SHANK2: variants seen among roughly 807,000 people sequenced by gnomAD.
The protein encoded by SHANK2 is SH3 and multiple ankyrin repeat domains protein 2.
SHANK2 carries 43 observed loss-of-function variants against 133.7 expected under a neutral mutation model. That is an observed-to-expected ratio of 0.32 (90% confidence interval 0.25 to 0.41). SHANK2 has a LOEUF of 0.41. SHANK2 is among the 10% of genes least tolerant of loss of function. SHANK2 has a pLI of 1.00. For synonymous variants in SHANK2, 1,017 were observed against 952.8 expected, an observed-to-expected ratio of 1.07 and a Z score of -1.24; for missense variants, 1,994 against 2,235.8, an observed-to-expected ratio of 0.89 and a Z score of 2.18.
At chr11:70,738,539 C>T (rs375414598) in intron 14 of SHANK2, among the ~76,000 whole-genome samples, 4 of 152,176 alleles carry the variant, frequency 2.6e-5, no homozygotes, top group Non-Finnish European at 5.9e-5. Flanking sequence ...GGGAAGTCCC[C>T]GGAATCTACA....
intron 11 of SHANK2, among the ~76,000 whole-genome samples, chr11:70,873,879 C>T (rs1448652350): frequency 2.0e-5 from 3 of 152,154 alleles, no homozygotes; most frequent in African/African-American, 7.2e-5. Flanking sequence ...GTCACTAGCA[C>T]GCTGGGCAAG....
intron 10 of SHANK2, among the ~76,000 whole-genome samples, chr11:70,946,804 C>CTCAATTAA (rs1950748204): frequency 6.7e-6 from 1 of 149,116 alleles, no homozygotes. Context: ...ACCAACCCTT[C>CTCAATTAA]CCAGACTCAC....
intron 17 of SHANK2, among the ~76,000 whole-genome samples, chr11:70,621,320 C>G (rs543324973): frequency 6.6e-6 from 1 of 152,214 alleles, no homozygotes; most frequent in African/African-American, 2.4e-5. Flanking sequence ...GAGGCAGGAG[C>G]GGCCAGGGTA....
In SHANK2 at chr11:70,575,925, G is replaced by T. The variant is rs142860616; in HGVS notation, c.2062-72994C>A. ...TCCTTACGGCAGAATCCCCTGGGCC[G>T]TGCTGCAGCCTGGCAGTGTCAGGGG... On this transcript the variant is annotated intron_variant, in intron 17 of 25. Transcript: ENST00000601538. Among the ~76,000 whole-genome samples, 1,387 of 152,092 alleles carry T rather than the reference G, an allele frequency of 9.1e-3. 8 individuals are homozygous for T. Among genetic ancestry groups the T allele is most frequent in the Non-Finnish European group, 0.015 (990 of 67,980 alleles).
chr11:71,145,357 A>G (rs879983958), intron 3 of SHANK2, among the ~76,000 whole-genome samples: 7 of 152,256 alleles, frequency 4.6e-5, no homozygotes, highest in Non-Finnish European at 7.3e-5. Context: ...GAGTTTATGC[A>G]TTTGTGTTGA....
At chr11:71,097,244 A>G (rs1219026117) in intron 6 of SHANK2, among the ~76,000 whole-genome samples, 1 of 152,026 alleles carries the variant, frequency 6.6e-6, no homozygotes, top group Non-Finnish European at 1.5e-5. Context: ...CCACATTTGC[A>G]AAGAGCACGT....
chr11:70,716,585 G>A (rs1398873128), intron 14 of SHANK2, among the ~76,000 whole-genome samples: 1 of 152,106 alleles, frequency 6.6e-6, no homozygotes, highest in Non-Finnish European at 1.5e-5. Context: ...GGAGGATGAG[G>A]TGGGTCCCAC....
Position 71,175,689 on chromosome 11 carries a change from A to G in SHANK2, c.-12-28351T>C, listed in dbSNP as rs1246903108. Among the ~76,000 whole-genome samples the G allele has an allele frequency of 6.6e-6, 1 of 152,170 alleles. No individual in the cohort carries two copies. Among genetic ancestry groups the G allele is most frequent in the African/African-American group, 2.4e-5 (1 of 41,438 alleles). On this transcript the variant is annotated intron_variant, in intron 2 of 25. Transcript: ENST00000601538. This position sits in a 1 kb window ranked among gnomAD's most constrained non-coding sequence, Gnocchi z 4.2. ...ACCTGAAACCACCCAAAATATATCC[A>G]AACCACCAAAATATGTAAAAAGAAA...
chr11:70,766,658 T>C (rs868913143), intron 14 of SHANK2, among the ~76,000 whole-genome samples: 4 of 152,130 alleles, frequency 2.6e-5, no homozygotes, highest in Non-Finnish European at 5.9e-5. Flanking sequence ...TCAATGCCCC[T>C]CAGAACAGAC....
At position 70,882,881 on chromosome 11, in the gene SHANK2, C is replaced by G. The variant is rs371043514; in HGVS notation, c.1174+13620G>C. Among the ~76,000 whole-genome samples, 16 of 152,272 alleles carry G rather than the reference C, an allele frequency of 1.1e-4. No individual in the cohort carries two copies. Among genetic ancestry groups the G allele is most frequent in the African/African-American group, 3.9e-4 (16 of 41,554 alleles). ...GGAGTGAGGGGAGGTCCTGAGGAAA[C>G]AGCTGCAGGTGAACAGCAAACTGCA... On this transcript the variant is annotated intron_variant, in intron 11 of 25. Coordinates refer to ENST00000601538, the MANE Select transcript of SHANK2 (RefSeq NM_012309.5). The surrounding 1 kb of genome is among the most constrained non-coding windows in gnomAD (Gnocchi z 4.2).
rs542059486 is a variant in SHANK2, at chr11:71,168,794, G to A, written c.-12-21456C>T. Among the ~76,000 whole-genome samples the A allele has an allele frequency of 3.4e-3, 482 of 141,666 alleles. 2 individuals are homozygous for A. The highest frequency in any genetic ancestry group is 6.0e-3 in the Non-Finnish European group (389 of 64,342). The allele number at this position is 141,666 out of a possible 152,430, so 92.9% of individuals were successfully genotyped here. On this transcript the variant is annotated intron_variant, in intron 2 of 25. Coordinates refer to ENST00000601538, the MANE Select transcript of SHANK2 (RefSeq NM_012309.5). ...GCATCAGAGGGAGACCGTGGAGAGA[G>A]GGAGAGGGAGACCATGGGGAGAGGG... is the stretch of plus-strand genomic sequence containing the variant.
intron 11 of SHANK2, among the ~76,000 whole-genome samples, chr11:70,827,905 G>A (rs1395755175): frequency 6.6e-6 from 1 of 152,174 alleles, no homozygotes; most frequent in Non-Finnish European, 1.5e-5. Flanking sequence ...GCATGCCTCG[G>A]TGAGGGCCTC....
chr11:70,505,083 A>G (rs1317480005), intron 17 of SHANK2, among the ~76,000 whole-genome samples: 1 of 152,242 alleles, frequency 6.6e-6, no homozygotes, highest in African/African-American at 2.4e-5. Flanking sequence ...ACATAACTTC[A>G]GGTGGCTGAG....
chr11:70,854,419 A>G (rs1396050329), intron 11 of SHANK2, among the ~76,000 whole-genome samples: 1 of 152,170 alleles, frequency 6.6e-6, no homozygotes, highest in African/African-American at 2.4e-5. Flanking sequence ...AGCCCAGCCA[A>G]CAAAGTTGAG....
intron 15 of SHANK2, chr11:70,661,887 T>C (rs1944551821): frequency 5.7e-6 from 8 of 1,393,132 alleles, no homozygotes; most frequent in Admixed American, 1.7e-5. Context: ...CGTGGCACAA[T>C]GAGACTTGCA....
At chr11:70,878,284 AGGCAGGACCCTG>A (rs1388691821) in intron 11 of SHANK2, among the ~76,000 whole-genome samples, 12 of 152,220 alleles carry the variant, frequency 7.9e-5, no homozygotes, top group African/African-American at 2.2e-4. Context: ...GTCATTCCAA[AGGCAGGACCCTG>A]GGAGGACCTC....
intron 11 of SHANK2, among the ~76,000 whole-genome samples, chr11:70,828,809 G>A (rs1016329199): frequency 2.6e-5 from 4 of 152,204 alleles, no homozygotes; most frequent in Non-Finnish European, 5.9e-5. Flanking sequence ...TGAGCCCAGA[G>A]GACTCATCAA....
At chr11:70,531,571 G>T (rs1157995569) in intron 17 of SHANK2, among the ~76,000 whole-genome samples, 2 of 152,242 alleles carry the variant, frequency 1.3e-5, no homozygotes, top group Admixed American at 1.3e-4. Flanking sequence ...ATGCAGCAGG[G>T]CTGTGAGGAC....
At chr11:71,119,236 AG>A (rs1952040439) in intron 3 of SHANK2, among the ~76,000 whole-genome samples, 3 of 152,182 alleles carry the variant, frequency 2.0e-5, no homozygotes, top group Admixed American at 1.3e-4. Flanking sequence ...AAAGGGAAAA[AG>A]GAAAGACCGA....
Sources: gnomAD v4.1 joint callset for allele counts (sites outside exome capture counted in the v4.1 genomes callset) on GRCh38, gnomAD v4.1.1 for gene constraint, Gnocchi (gnomAD v3.1) non-coding constraint, MANE v1.5 for transcripts, NCBI Gene and HGNC (gene_info 2026-07-23, HGNC 2026-07-21) for gene names.